Variants in LRRC7 observed in about 807,000 individuals in gnomAD.
The protein encoded by LRRC7 is leucine-rich repeat-containing protein 7.
Under a neutral mutation model 175.7 loss-of-function variants are expected in LRRC7, and 23 were observed. The ratio of observed to expected loss-of-function variants is 0.13; its 90% CI spans 0.09 to 0.19. The LOEUF is 0.19. Among genes scored for constraint, LRRC7 ranks in the 10% least tolerant of loss-of-function variants. The pLI is 1.00. For missense variants in LRRC7, 1,354 were observed against 1,904.7 expected (o/e 0.71, Z 5.38); for synonymous variants, 685 against 680.9 (o/e 1.01, Z -0.09).
At chr1:69,799,727 T>C (rs1050897598) in intron 4 of LRRC7, among the ~76,000 whole-genome samples, 1 of 152,146 alleles carries the variant, frequency 6.6e-6, no homozygotes, top group East Asian at 1.9e-4. Context: ...AGAGGCTTTT[T>C]AGTTTAATTG....
intron 2 of LRRC7, chr1:69,716,109 T>A: frequency 2.4e-6 from 1 of 416,288 alleles, no homozygotes; most frequent in South Asian, 1.0e-4. Flanking sequence ...TTGCAGTTAA[T>A]TGAAATTTTT....
chr1:69,924,889 G>A (rs1261344796), intron 7 of LRRC7, among the ~76,000 whole-genome samples: 1 of 152,158 alleles, frequency 6.6e-6, no homozygotes, highest in East Asian at 1.9e-4. Flanking sequence ...GTTTTCAAAT[G>A]GAATGCTTCC....
chr1:69,582,466 G>T (rs751477329), intron 1 of LRRC7, among the ~76,000 whole-genome samples: 8 of 152,132 alleles, frequency 5.3e-5, no homozygotes, highest in Non-Finnish European at 8.8e-5. Context: ...GGAGCAAGAG[G>T]CCAAACTGGC....
chr1:69,972,981 T>G (rs1007736318), intron 8 of LRRC7, among the ~76,000 whole-genome samples: 2 of 132,908 alleles, frequency 1.5e-5, no homozygotes, highest in Non-Finnish European at 3.3e-5. Context: ...ATATAAATAC[T>G]ATATATATAA....
At chr1:69,927,996 T>A (rs895270891) in intron 7 of LRRC7, among the ~76,000 whole-genome samples, 37 of 152,338 alleles carry the variant, frequency 2.4e-4, no homozygotes, top group Middle Eastern at 3.4e-3. Flanking sequence ...GCTGTGGATA[T>A]TTTTTCTCTT....
At chr1:69,650,881 T>C (rs1299796404) in intron 1 of LRRC7, among the ~76,000 whole-genome samples, 2 of 152,230 alleles carry the variant, frequency 1.3e-5, no homozygotes, top group East Asian at 1.9e-4. Context: ...CCTAATTTAC[T>C]GGGTATATTT....
chr1:69,593,392 T>G (rs1358615915), intron 1 of LRRC7, among the ~76,000 whole-genome samples: 1 of 152,088 alleles, frequency 6.6e-6, no homozygotes, highest in Non-Finnish European at 1.5e-5. Context: ...TAGTTTTGCT[T>G]TTAGAACCAA....
chr1:69,821,848 T>C (rs1257566822), intron 4 of LRRC7, among the ~76,000 whole-genome samples: 1 of 152,116 alleles, frequency 6.6e-6, no homozygotes, highest in African/African-American at 2.4e-5. Flanking sequence ...TGAGCTGAGA[T>C]TGTGCCAATG....
At chr1:69,937,098 G>A (rs957585155) in intron 8 of LRRC7, among the ~76,000 whole-genome samples, 29 of 151,960 alleles carry the variant, frequency 1.9e-4, no homozygotes, top group African/African-American at 7.0e-4. Flanking sequence ...AAATTATTTA[G>A]GGATTTCTAT....
At chr1:69,577,498 T>C (rs1646002921) in intron 1 of LRRC7, among the ~76,000 whole-genome samples, 1 of 152,182 alleles carries the variant, frequency 6.6e-6, no homozygotes, top group African/African-American at 2.4e-5. Context: ...TCTTCTAGGG[T>C]TTTTATGGTT....
intron 8 of LRRC7, among the ~76,000 whole-genome samples, chr1:69,965,019 A>G (rs976384123): frequency 6.6e-6 from 1 of 152,224 alleles, no homozygotes. Flanking sequence ...AGATTTGAGG[A>G]TAGTCCTGTC....
intron 11 of LRRC7, among the ~76,000 whole-genome samples, chr1:70,010,401 A>G (rs899376817): frequency 6.6e-6 from 1 of 152,096 alleles, no homozygotes; most frequent in Non-Finnish European, 1.5e-5. Flanking sequence ...CCCCATCTCT[A>G]CTAAAAATAC....
intron 1 of LRRC7, among the ~76,000 whole-genome samples, chr1:69,652,286 A>G (rs955964368): frequency 1.3e-5 from 2 of 152,234 alleles, no homozygotes; most frequent in African/African-American, 4.8e-5. Flanking sequence ...ATATCAGTTC[A>G]GCAAAGTTGC....
chr1:69,679,317 G>A (rs227105), intron 2 of LRRC7, among the ~76,000 whole-genome samples: 21,942 of 151,908 alleles, frequency 0.14, 1,763 homozygotes, highest in Admixed American at 0.19. Context: ...TAATGTAGTG[G>A]GTTCACTGAA....
chr1:69,991,840 A>G (rs1038269303), intron 10 of LRRC7, among the ~76,000 whole-genome samples: 15 of 152,112 alleles, frequency 9.9e-5, no homozygotes, highest in African/African-American at 3.4e-4. Context: ...CCGTGTGCTG[A>G]GTCACTTTCC....
chr1:69,677,509 A>T (rs189323654), intron 1 of LRRC7, among the ~76,000 whole-genome samples: 15 of 151,904 alleles, frequency 9.9e-5, no homozygotes, highest in Admixed American at 9.9e-4. Flanking sequence ...TTTCATAGAG[A>T]GTATACTAGT....
At chr1:69,615,059 G>A (rs1324874118) in intron 1 of LRRC7, among the ~76,000 whole-genome samples, 2 of 151,968 alleles carry the variant, frequency 1.3e-5, no homozygotes, top group Non-Finnish European at 2.9e-5. Context: ...TAAATATGCT[G>A]AACTAGAAAT....
chr1:69,663,413 T>C (rs926201859), intron 1 of LRRC7, among the ~76,000 whole-genome samples: 7 of 152,210 alleles, frequency 4.6e-5, no homozygotes, highest in Non-Finnish European at 7.3e-5. Flanking sequence ...ATGCAATGCA[T>C]ACAAATGATA....
intron 1 of LRRC7, among the ~76,000 whole-genome samples, chr1:69,673,495 C>T (rs1659383374): frequency 1.3e-5 from 2 of 152,188 alleles, no homozygotes; most frequent in African/African-American, 4.8e-5. Flanking sequence ...CCACTGGTGG[C>T]TTGCCAAGCT....
Sources: allele counts gnomAD v4.1 joint callset (sites outside exome capture counted in the v4.1 genomes callset), GRCh38; gene constraint gnomAD v4.1.1; transcripts MANE v1.5; gene names NCBI Gene and HGNC (gene_info 2026-07-23, HGNC 2026-07-21).